Variants in CILK1 observed in about 807,000 individuals in gnomAD.
The protein encoded by CILK1 is serine/threonine-protein kinase ICK.
CILK1 carries 47 observed loss-of-function variants against 79.2 expected under a neutral mutation model. That is an observed-to-expected ratio of 0.59 (90% CI 0.47 to 0.76). CILK1 has a LOEUF of 0.76. Among genes scored for constraint, CILK1 ranks in the 30% least tolerant of loss-of-function variants. CILK1 has a pLI of 0.00. For missense variants in CILK1, 660 were observed against 769.5 expected, an observed-to-expected ratio of 0.86 and a Z score of 1.68; for synonymous variants, 266 against 275.9, an observed-to-expected ratio of 0.96 and a Z score of 0.36.
chr6:53,060,200 C>T (rs556456568), intron 1 of CILK1, among the ~76,000 whole-genome samples: 1 of 152,250 alleles, frequency 6.6e-6, no homozygotes, highest in Non-Finnish European at 1.5e-5. Flanking sequence ...TGCTAAATGG[C>T]TTGTTTGATA....
chr6:53,050,546 C>T (rs1464584819), intron 1 of CILK1, among the ~76,000 whole-genome samples: 1 of 151,634 alleles, frequency 6.6e-6, no homozygotes, highest in Non-Finnish European at 1.5e-5. Context: ...ATTATATAGG[C>T]TGGGCGTGGT....
At chr6:53,007,804 G>A (rs1034949649) in intron 12 of CILK1, among the ~76,000 whole-genome samples, 1 of 151,740 alleles carries the variant, frequency 6.6e-6, no homozygotes, top group Non-Finnish European at 1.5e-5. Context: ...GCTGGGTGTG[G>A]TGGCACATGC....
chr6:53,022,720 G>C (rs1056235557), intron 5 of CILK1, among the ~76,000 whole-genome samples: 1 of 151,976 alleles, frequency 6.6e-6, no homozygotes, highest in African/African-American at 2.4e-5. Flanking sequence ...TTTGAGTTTC[G>C]CTTCTTCCAT....
chr6:53,008,388 GCA>G (rs1764362675), intron 12 of CILK1, among the ~76,000 whole-genome samples: 1 of 151,748 alleles, frequency 6.6e-6, no homozygotes, highest in Non-Finnish European at 1.5e-5. Flanking sequence ...GGCGGGAAAG[GCA>G]CAGACACTGG....
chr6:53,049,705 CA>C (rs1321283510), intron 1 of CILK1, among the ~76,000 whole-genome samples: 1 of 152,182 alleles, frequency 6.6e-6, no homozygotes. Context: ...GCAACCAAGG[CA>C]AACACAGAAC....
intron 12 of CILK1, among the ~76,000 whole-genome samples, chr6:53,007,775 CA>C (rs563172663): frequency 4.6e-3 from 603 of 130,276 alleles, no homozygotes; most frequent in African/African-American, 0.01. Flanking sequence ...ACTAAAAATA[CA>C]AAAAAAAAAA....
chr6:53,027,342 C>T (rs1765640584), intron 5 of CILK1, among the ~76,000 whole-genome samples: 1 of 152,230 alleles, frequency 6.6e-6, no homozygotes, highest in Admixed American at 6.5e-5. Flanking sequence ...TGAAACAGAC[C>T]ATTTGCATTA....
At chr6:53,057,849 C>A (rs1768031737) in intron 1 of CILK1, 1 of 151,980 alleles carries the variant, frequency 6.6e-6, no homozygotes, top group Admixed American at 6.6e-5. Context: ...TGTTTTATAG[C>A]CAACTAAAGA....
At chr6:53,016,437 C>T (rs11756408) in intron 7 of CILK1, among the ~76,000 whole-genome samples, 187 bp from the exon 8 acceptor site, 4,064 of 152,174 alleles carry the variant, frequency 0.027, 162 homozygotes, top group East Asian at 0.17. Flanking sequence ...AGAGAGACCA[C>T]CAAGACCATG....
intron 1 of CILK1, among the ~76,000 whole-genome samples, chr6:53,042,258 C>T (rs1475138133): frequency 6.6e-6 from 1 of 152,188 alleles, no homozygotes; most frequent in African/African-American, 2.4e-5. Context: ...GTAAATTTGT[C>T]ACTGACTCAG....
intron 5 of CILK1, among the ~76,000 whole-genome samples, chr6:53,025,191 TC>T (rs1024327250): frequency 6.6e-6 from 1 of 152,192 alleles, no homozygotes; most frequent in African/African-American, 2.4e-5. Flanking sequence ...TAATGCTATT[TC>T]CCCTCATAGA....
At chr6:53,029,451 A>G (rs952290431) in intron 5 of CILK1, among the ~76,000 whole-genome samples, 1 of 152,216 alleles carries the variant, frequency 6.6e-6, no homozygotes, top group African/African-American at 2.4e-5. Flanking sequence ...CATGCTGATT[A>G]CTCAGTATGT....
chr6:53,008,960 A>C (rs1271557425), intron 12 of CILK1, among the ~76,000 whole-genome samples: 2 of 152,046 alleles, frequency 1.3e-5, no homozygotes, highest in Admixed American at 1.3e-4. Context: ...CAGTAAATTC[A>C]TTCATCCGTT....
chr6:53,021,796 TAA>T (rs550651378), intron 5 of CILK1, among the ~76,000 whole-genome samples: 3 of 136,312 alleles, frequency 2.2e-5, no homozygotes, highest in Non-Finnish European at 1.6e-5. Context: ...TTCTACTTAC[TAA>T]AAAAAAAAAA....
chr6:53,037,888 C>G, intron 3 of CILK1, 51 bp downstream of exon 3: 1 of 1,096,910 alleles, frequency 9.1e-7, no homozygotes, highest in Non-Finnish European at 1.4e-6. Context: ...TAAGCATGTA[C>G]AAAGCTATTT....
intron 5 of CILK1, among the ~76,000 whole-genome samples, chr6:53,019,842 T>TG (rs1373121630): frequency 3.3e-5 from 5 of 151,522 alleles, no homozygotes; most frequent in Admixed American, 3.3e-4. Context: ...GTTTTTTTTT[T>TG]TTTTGTTTTT....
chr6:53,025,460 A>G (rs1765513638), intron 5 of CILK1, among the ~76,000 whole-genome samples: 1 of 152,196 alleles, frequency 6.6e-6, no homozygotes, highest in African/African-American at 2.4e-5. Context: ...TCCTGTAAAC[A>G]CTGGCCACTC....
intron 9 of CILK1, 89 bp downstream of exon 9, chr6:53,013,573 A>G (rs1764711518): frequency 7.9e-7 from 1 of 1,259,780 alleles, no homozygotes; most frequent in Admixed American, 1.7e-5. Flanking sequence ...TGGACCCTGT[A>G]TACTGAAAAA....
chr6:53,050,391 C>G (rs957058044), intron 1 of CILK1, among the ~76,000 whole-genome samples: 3 of 151,608 alleles, frequency 2.0e-5, no homozygotes, highest in Non-Finnish European at 4.4e-5. Context: ...CAACTATTAT[C>G]TTTTCTATGG....
Sources: gnomAD v4.1 joint callset for allele counts (sites outside exome capture counted in the v4.1 genomes callset) on GRCh38, gnomAD v4.1.1 for gene constraint, MANE v1.5 for transcripts, NCBI Gene and HGNC (gene_info 2026-07-23, HGNC 2026-07-21) for gene names.